The following RNLS variants were observed in gnomAD, a reference collection of about 807,000 sequenced individuals.
RNLS encodes renalase.
In RNLS, 39 loss-of-function variants were observed where a neutral mutation model predicts 39.8. The ratio of observed to expected loss-of-function variants is 0.98; its 90% CI spans 0.76 to 1.28. RNLS has a LOEUF of 1.28. Among genes scored for constraint, RNLS ranks in the 50% most tolerant of loss-of-function variants. The pLI is 0.00. For missense variants in RNLS, 410 were observed against 413.3 expected (o/e 0.99, Z 0.07); for synonymous variants, 147 against 150.7 (o/e 0.98, Z 0.18).
chr10:88,583,281 C>T lies in RNLS; in HGVS notation c.-91G>A. On this transcript the variant is annotated 5_prime_UTR_variant, in exon 1 of 7. Transcript: ENST00000331772. ...AAAGGCGGCCGAACCGGCGCTAGCG[C>T]TCTTTGGTTCCGTGCTCCCTGGGCC... The T allele has an allele frequency of 1.3e-6, 2 of 1,556,040 alleles. No homozygotes were observed. The highest frequency in any genetic ancestry group is 8.6e-7 in the Non-Finnish European group (1 of 1,158,106).
intron 4 of RNLS, among the ~76,000 whole-genome samples, chr10:88,477,581 A>G (rs1843891627): frequency 6.6e-6 from 1 of 152,204 alleles, no homozygotes. Context: ...GACAAGGATG[A>G]TAGTGATGAC....
chr10:88,308,917 C>A (rs760455696), intron 6 of RNLS, among the ~76,000 whole-genome samples: 1 of 152,194 alleles, frequency 6.6e-6, no homozygotes, highest in Non-Finnish European at 1.5e-5. Context: ...GATACATCTA[C>A]ACCATGGAAC....
intron 4 of RNLS, among the ~76,000 whole-genome samples, chr10:88,548,261 C>CAAAAAAAAAA (rs869175046): frequency 3.7e-4 from 12 of 32,404 alleles, no homozygotes; most frequent in Non-Finnish European, 4.6e-4. Flanking sequence ...GACTCCGTCT[C>CAAAAAAAAAA]AAAAAAAAAA....
Position 88,362,637 on chromosome 10 carries a change from C to T in RNLS, c.615G>A (p.Lys205=). 6.2e-7 allele frequency: 1 copy of T among 1,613,952 alleles called. No individual in the cohort carries two copies. Among genetic ancestry groups the T allele is most frequent in the South Asian group, 1.1e-5 (1 of 91,080 alleles). Residue 205 remains lysine (K), a synonymous_variant, in exon 5 of 7, where the codon AAG becomes AAA. Coordinates refer to ENST00000331772, the MANE Select transcript of RNLS (RefSeq NM_001031709.3). The part of the protein sequence containing the change: ...ALGLFYEAGT[K]IDVPWAGQYI... ...ACTGCCCAGCCCAAGGGACATCAATCTTCGTACCAGCTTCATAAAAGAGGC... is the reference window on the plus strand; with the variant it reads ...ACTGCCCAGCCCAAGGGACATCAATTTTCGTACCAGCTTCATAAAAGAGGC...
chr10:88,206,996 C>T, the RNLS span, among the ~76,000 whole-genome samples: 1 of 151,962 alleles, frequency 6.6e-6, no homozygotes, highest in Non-Finnish European at 1.5e-5. Context: ...CTAGACAGAC[C>T]CCATAAATGT....
chr10:88,241,101 A>C, the RNLS span, among the ~76,000 whole-genome samples: 3 of 151,004 alleles, frequency 2.0e-5, no homozygotes, highest in African/African-American at 7.3e-5. Flanking sequence ...GTACTTTGGC[A>C]TGTCTGTTTG....
intron 4 of RNLS, among the ~76,000 whole-genome samples, chr10:88,477,627 T>C (rs1843894943): frequency 1.3e-5 from 2 of 152,126 alleles, no homozygotes; most frequent in Admixed American, 6.6e-5. Context: ...TGGAAGACAA[T>C]AACAGTGGTA....
intron 4 of RNLS, among the ~76,000 whole-genome samples, chr10:88,479,194 A>G (rs546504507): frequency 3.9e-5 from 6 of 152,308 alleles, no homozygotes; most frequent in African/African-American, 1.4e-4. Context: ...GTATTCAACA[A>G]CCTCTTGTTG....
Position 88,343,868 on chromosome 10 carries a change from A to G in RNLS, c.700+18684T>C, listed in dbSNP as rs1292894309. On this transcript the variant is annotated intron_variant, in intron 5 of 6. Coordinates refer to ENST00000331772, the MANE Select transcript of RNLS (RefSeq NM_001031709.3). The stretch of plus-strand genomic sequence containing the variant: ...CCTTTAATTGAAACGTCCCTGGAGC[A>G]GAGGATTTGTCCTAACTCACATTTG... 3 of 966,172 alleles carry G rather than the reference A, an allele frequency of 3.1e-6. No individual in the cohort carries two copies. In the African/African-American group the frequency reaches 5.3e-5, roughly 17 times the overall value. 59.8% of individuals were successfully genotyped at this position (966,172 alleles called of 1,614,324 possible).
the RNLS span, among the ~76,000 whole-genome samples, chr10:88,186,129 C>T: frequency 7.2e-5 from 11 of 152,132 alleles, no homozygotes; most frequent in Admixed American, 7.2e-4. Flanking sequence ...AATCAGCAAA[C>T]ACAAGGCAGA....
At chr10:88,533,756 G>C (rs945995387) in intron 4 of RNLS, among the ~76,000 whole-genome samples, 3 of 152,062 alleles carry the variant, frequency 2.0e-5, no homozygotes, top group Non-Finnish European at 4.4e-5. Flanking sequence ...TGAACATGAA[G>C]AGAGAAACAG....
At chr10:88,184,134 G>C in the RNLS span, among the ~76,000 whole-genome samples, 1 of 152,068 alleles carries the variant, frequency 6.6e-6, no homozygotes, top group Admixed American at 6.6e-5. Flanking sequence ...ATTTGAAATA[G>C]GTGTTCTTCA....
the RNLS span, among the ~76,000 whole-genome samples, chr10:88,177,750 T>G: frequency 6.6e-6 from 1 of 152,246 alleles, no homozygotes; most frequent in Non-Finnish European, 1.5e-5. Context: ...AAAGACTTTT[T>G]CCTGTAGTGT....
At chr10:88,256,217 C>T in the RNLS span, among the ~76,000 whole-genome samples, 2 of 152,202 alleles carry the variant, frequency 1.3e-5, no homozygotes, top group Non-Finnish European at 2.9e-5. Flanking sequence ...CTTTACATAA[C>T]ATTCATAAAT....
chr10:88,432,382 T>C (rs773438449), intron 4 of RNLS, among the ~76,000 whole-genome samples: 6 of 151,942 alleles, frequency 3.9e-5, no homozygotes, highest in Non-Finnish European at 4.4e-5. Context: ...TGGCAGCATA[T>C]AGTTATGTCC....
chr10:88,408,969 C>T (rs781387773), intron 4 of RNLS, among the ~76,000 whole-genome samples: 4 of 152,000 alleles, frequency 2.6e-5, no homozygotes, highest in Admixed American at 6.6e-5. Flanking sequence ...AGTGGAGACC[C>T]ATTTCTGAAA....
At chr10:88,349,467 C>T (rs1218716285) in intron 5 of RNLS, among the ~76,000 whole-genome samples, 1 of 152,054 alleles carries the variant, frequency 6.6e-6, no homozygotes, top group Non-Finnish European at 1.5e-5. Context: ...AAGTCCCCTC[C>T]CCTTTATTTT....
At chr10:88,427,150 TCA>T (rs1205281906) in intron 4 of RNLS, among the ~76,000 whole-genome samples, 1 of 152,034 alleles carries the variant, frequency 6.6e-6, no homozygotes, top group African/African-American at 2.4e-5. Context: ...TTATCACAAT[TCA>T]CACAGTTAGC....
chr10:88,293,242 G>A (rs188412450), intron 6 of RNLS, among the ~76,000 whole-genome samples: 17 of 152,258 alleles, frequency 1.1e-4, no homozygotes, highest in African/African-American at 3.6e-4. Flanking sequence ...GTGAGGTATT[G>A]ACCATACTGG....
Sources: allele counts gnomAD v4.1 joint callset (sites outside exome capture counted in the v4.1 genomes callset), GRCh38; gene constraint gnomAD v4.1.1; transcripts MANE v1.5; gene names NCBI Gene and HGNC (gene_info 2026-07-23, HGNC 2026-07-21).